MCM8: variants seen among roughly 807,000 people sequenced by gnomAD.
MCM8 encodes the protein DNA helicase MCM8.
MCM8 carries 85 observed loss-of-function variants against 98.9 expected under a neutral mutation model. That is an observed-to-expected ratio of 0.86 (90% CI 0.72 to 1.03). The LOEUF is 1.03. Ranked by LOEUF, MCM8 falls within the 50% of genes least tolerant of loss-of-function variation. The probability of loss-of-function intolerance (pLI) is 0.00; values close to 1 mark genes in which losing one functional copy is unlikely to be tolerated. For synonymous variants in MCM8, 352 were observed against 338.6 expected (o/e 1.04, Z -0.44); for missense variants, 951 against 997.8 (o/e 0.95, Z 0.63).
intron 7 of MCM8, among the ~76,000 whole-genome samples, chr20:5,961,423 G>C (rs893025738): frequency 3.3e-5 from 5 of 152,226 alleles, no homozygotes; most frequent in African/African-American, 1.2e-4. Flanking sequence ...ATAGTCCCTT[G>C]AAGAATTAAA....
rs118116747 is a variant in MCM8 at position 5,966,536 on chromosome 20, C to G, written c.876-900C>G. On this transcript the variant is annotated intron_variant, in intron 8 of 18. Coordinates refer to ENST00000610722, the MANE Select transcript of MCM8 (RefSeq NM_032485.6). ...ATCATGGCAATATTTTCTCAAAACT[C>G]TTAGGCAGTTTGTTTTTAATACTCC... 5.5e-4 allele frequency among the ~76,000 whole-genome samples: 83 copies of G among 152,184 alleles called. 1 individual carries two copies. In the East Asian group the frequency reaches 0.015, roughly 28 times the overall value.
At chr20:5,967,314 A>G in intron 8 of MCM8, 122 bp from the exon 9 acceptor site, 1 of 745,080 alleles carries the variant, frequency 1.3e-6, no homozygotes. Flanking sequence ...ATATACCATT[A>G]AACTGTTAAT....
At chr20:5,978,262 A>G (rs1192965866) in intron 13 of MCM8, among the ~76,000 whole-genome samples, 2 of 152,218 alleles carry the variant, frequency 1.3e-5, no homozygotes, top group South Asian at 2.1e-4. Flanking sequence ...ATATGTAAAA[A>G]TCAAATAAAT....
intron 13 of MCM8, among the ~76,000 whole-genome samples, chr20:5,978,397 C>T (rs1257306639): frequency 6.6e-6 from 1 of 152,164 alleles, no homozygotes; most frequent in Non-Finnish European, 1.5e-5. Flanking sequence ...GTCTTGTGGA[C>T]TGCCATGTTC....
At position 5,951,998 on chromosome 20, in the gene MCM8, A is replaced by G. The variant is rs760950060; in HGVS notation, c.-5-13A>G. The G allele has an allele frequency of 1.5e-5, 24 of 1,598,710 alleles. No homozygotes were observed. Among genetic ancestry groups the G allele is most frequent in the Middle Eastern group, 1.7e-4 (1 of 6,010 alleles). Reference sequence around the variant, plus strand: ...CAGTTTTGGTGAAGACCTTTTTAATATCTATCTTTTAGGAGAGATGAATGG... The same window carrying G: ...CAGTTTTGGTGAAGACCTTTTTAATGTCTATCTTTTAGGAGAGATGAATGG... On this transcript the variant is annotated splice_polypyrimidine_tract_variant and intron_variant, in intron 1 of 18. Coordinates refer to ENST00000610722, the MANE Select transcript of MCM8 (RefSeq NM_032485.6).
rs915920187 is a variant in MCM8 at position 5,997,981 on chromosome 20, C to T, written c.*3590C>T. On this transcript the variant is annotated 3_prime_UTR_variant, in exon 19 of 19. Transcript: ENST00000610722. ...ATATCAAGGTGAGGGTATAACTGAA[C>T]GAGAAGAGGAATAAACACCACCCTG... The T allele has an allele frequency of 1.3e-5, 2 of 152,060 alleles. No homozygotes were observed. The highest frequency in any genetic ancestry group is 4.8e-5 in the African/African-American group (2 of 41,400). The allele number at this position is 152,060 out of a possible 1,614,324, so 9.4% of individuals were successfully genotyped here.
chr20:5,950,734 G>A lies in MCM8; in HGVS notation c.-295G>A. ...TTTTCGCTTGAGGCATTTTTGCGGC[G>A]CTGTGCGCTACAGACACCTTCTGGA... On this transcript the variant is annotated 5_prime_UTR_variant, in exon 1 of 19. Transcript: ENST00000610722. 4.2e-6 allele frequency: 1 copy of A among 235,656 alleles called. No homozygotes were observed. The highest frequency in any genetic ancestry group is 8.4e-6 in the Non-Finnish European group (1 of 118,844). 14.6% of individuals were successfully genotyped at this position (235,656 alleles called of 1,614,324 possible).
At chr20:5,958,782 A>G in intron 7 of MCM8, 56 bp downstream of exon 7, 2 of 1,490,808 alleles carry the variant, frequency 1.3e-6, no homozygotes, top group Admixed American at 1.9e-5. Flanking sequence ...GCAAATCAGA[A>G]TACAGAAAAC....
intron 12 of MCM8, among the ~76,000 whole-genome samples, chr20:5,976,213 G>A (rs1222806455): frequency 2.6e-5 from 4 of 152,134 alleles, no homozygotes; most frequent in South Asian, 2.1e-4. Flanking sequence ...AATCACTTGA[G>A]CCTAGAAGTT....
Position 5,984,069 on chromosome 20 carries a change from T to G in MCM8, c.1734-712T>G, listed in dbSNP as rs148759329. On this transcript the variant is annotated intron_variant, in intron 14 of 18. Transcript: ENST00000610722. ...TCCTGCTTTTTTCAAAAACAATGTT[T>G]ATATCTGTATGTATGCTTTCTCTTC... Among the ~76,000 whole-genome samples the G allele has an allele frequency of 4.8e-3, 724 of 152,370 alleles. 2 individuals are homozygous for G. Among genetic ancestry groups the G allele is most frequent in the Non-Finnish European group, 7.3e-3 (497 of 68,042 alleles).
At chr20:5,987,043 T>G (rs2089748224) in intron 16 of MCM8, among the ~76,000 whole-genome samples, 1 of 151,962 alleles carries the variant, frequency 6.6e-6, no homozygotes, top group Admixed American at 6.6e-5. Context: ...CTCAGGCTGG[T>G]CTCGAACTCC....
chr20:5,975,582 C>G (rs1425316667), intron 12 of MCM8, among the ~76,000 whole-genome samples: 10 of 151,204 alleles, frequency 6.6e-5, no homozygotes, highest in Admixed American at 5.3e-4. Context: ...CTGCAAGCTC[C>G]GCCTCCCGGG....
rs1286935742 is a variant in MCM8, at chr20:5,957,220, T to C, written c.581T>C (p.Ile194Thr). 1.9e-6 allele frequency: 3 copies of C among 1,612,174 alleles called. No homozygotes were observed. The highest frequency in any genetic ancestry group is 1.7e-6 in the Non-Finnish European group (2 of 1,178,872). ...DGETMVNVPH[I>T]HARVYNYEPL... ...GAAACAATGGTAAATGTGCCACATA[T>C]TCATGCAAGGTGAGGAATTTGATGT... Residue 194 changes from isoleucine to threonine, a missense_variant, in exon 6 of 19, where the codon ATT becomes ACT. Transcript: ENST00000610722.
At chr20:5,969,399 C>T (rs770596946) in intron 10 of MCM8, among the ~76,000 whole-genome samples, 6 of 152,156 alleles carry the variant, frequency 3.9e-5, no homozygotes, top group Non-Finnish European at 7.4e-5. Flanking sequence ...CGAGACCAAC[C>T]GGACCAATAT....
chr20:5,984,451 T>C (rs1160996956), intron 14 of MCM8, among the ~76,000 whole-genome samples: 1 of 152,198 alleles, frequency 6.6e-6, no homozygotes, highest in African/African-American at 2.4e-5. Context: ...AATGGTATCA[T>C]GAACAAAATA....
intron 17 of MCM8, among the ~76,000 whole-genome samples, chr20:5,988,227 G>A (rs942406103): frequency 3.9e-5 from 6 of 152,058 alleles, no homozygotes; most frequent in South Asian, 2.1e-4. Context: ...TTGGGAGGCC[G>A]AGGCAAGTGG....
Position 5,972,020 on chromosome 20 carries a change from G to A in MCM8, c.1237G>A (p.Val413Ile). 2.5e-6 allele frequency: 4 copies of A among 1,611,126 alleles called. No homozygotes were observed. Among genetic ancestry groups the A allele is most frequent in the East Asian group, 2.2e-5 (1 of 44,708 alleles). Residue 413 changes from valine to isoleucine, a missense_variant, in exon 11 of 19, where the codon GTC (valine) becomes ATC (isoleucine). Coordinates refer to ENST00000610722, the MANE Select transcript of MCM8 (RefSeq NM_032485.6). ...FKLIVNSLCP[V>I]IFGHELVKAG... ...TCTGTTTTTCAGCTCGCTTTGCCCT[G>A]TCATTTTTGGTCATGAAGTAAGTAT...
intron 9 of MCM8, 32 bp from the exon 10 acceptor site, chr20:5,967,798 C>T: frequency 6.6e-7 from 1 of 1,525,738 alleles, no homozygotes; most frequent in Non-Finnish European, 8.9e-7. Context: ...ATGAAAATAC[C>T]AACTATTGTA....
chr20:5,982,976 G>A lies in MCM8; in HGVS notation c.1544G>A (p.Cys515Tyr). Residue 515 changes from cysteine (C) to tyrosine (Y), a missense_variant, in exon 14 of 19, where the codon TGT becomes TAT. Cys to Tyr is a radical substitution (Grantham distance 194). Transcript: ENST00000610722. Reference sequence around the variant, plus strand: ...TATTCTACTTCGATTGTAGGTATTTGTGGAATCGATGAATTTGATAAGATG... The same window carrying A: ...TATTCTACTTCGATTGTAGGTATTTATGGAATCGATGAATTTGATAAGATG... ...GALVLGDQGI[C>Y]GIDEFDKMGN... 1 of 1,608,810 alleles carries A rather than the reference G, an allele frequency of 6.2e-7. No individual in the cohort carries two copies. Among genetic ancestry groups the A allele is most frequent in the Non-Finnish European group, 8.5e-7 (1 of 1,178,602 alleles).
Sources: gnomAD v4.1 joint callset for allele counts (sites outside exome capture counted in the v4.1 genomes callset) on GRCh38, gnomAD v4.1.1 for gene constraint, MANE v1.5 for transcripts, NCBI Gene and HGNC (gene_info 2026-07-23, HGNC 2026-07-21) for gene names.